Variants in PDE4D observed in about 807,000 individuals in gnomAD.
PDE4D encodes phosphodiesterase 4D.
A neutral mutation model predicts 87.4 loss-of-function variants in PDE4D; 24 were observed. The ratio of observed to expected loss-of-function variants is 0.27; its 90% CI spans 0.20 to 0.39. PDE4D has a LOEUF of 0.39. Among genes scored for constraint, PDE4D ranks in the 10% least tolerant of loss-of-function variants. The pLI, the probability that PDE4D is intolerant of heterozygous loss-of-function variation, is 1.00. For missense variants in PDE4D, 714 were observed against 1,041.0 expected, an observed-to-expected ratio of 0.69 and a Z score of 4.32; for synonymous variants, 384 against 383.2, an observed-to-expected ratio of 1.00 and a Z score of -0.02.
chr5:58,974,312 C>CAAAT lies in PDE4D; in HGVS notation c.*348_*351dup, dbSNP rs35684984. ...GCCTTTCTTCTGAAAATATTGCAAA[C>CAAAT]AAATAAAAAGGAATAGAAACCCCAA... On this transcript the variant is annotated 3_prime_UTR_variant, in exon 15 of 15. Coordinates refer to ENST00000340635, the MANE Select transcript of PDE4D (RefSeq NM_001104631.2). 174 of 170,458 alleles carry CAAAT rather than the reference C, an allele frequency of 1.0e-3. 2 individuals carry two copies. Among genetic ancestry groups the CAAAT allele is most frequent in the African/African-American group, 3.8e-3 (162 of 42,254 alleles). The allele number at this position is 170,458 out of a possible 1,614,324, so 10.6% of individuals were successfully genotyped here.
intron 1 of PDE4D, among the ~76,000 whole-genome samples, chr5:59,244,362 C>T (rs1293778440): frequency 6.6e-6 from 1 of 151,828 alleles, no homozygotes; most frequent in African/African-American, 2.4e-5. Context: ...TGTGCCACTG[C>T]ACTCCAGCCT....
At chr5:59,442,354 A>C (rs1428058033) in intron 1 of PDE4D, among the ~76,000 whole-genome samples, 1 of 152,138 alleles carries the variant, frequency 6.6e-6, no homozygotes, top group Admixed American at 6.5e-5. Context: ...CCAAGTTTTC[A>C]TAATAGATAA....
At chr5:60,079,534 T>C (rs1035963094) in intron 2 of PDE4D, among the ~76,000 whole-genome samples, 1 of 152,222 alleles carries the variant, frequency 6.6e-6, no homozygotes. Flanking sequence ...CTTTAATCCA[T>C]CTTGAGTTAA....
chr5:60,174,598 GA>G (rs1283586579), intron 2 of PDE4D, among the ~76,000 whole-genome samples: 21 of 152,184 alleles, frequency 1.4e-4, no homozygotes, highest in African/African-American at 5.1e-4. Context: ...TTACTTTGGG[GA>G]CATCAGACAG....
intron 3 of PDE4D, among the ~76,000 whole-genome samples, chr5:59,958,999 G>T (rs550608891): frequency 5.9e-5 from 9 of 152,072 alleles, no homozygotes; most frequent in African/African-American, 1.9e-4. Context: ...AAAGTTTCAG[G>T]ATACAAAATG....
intron 1 of PDE4D, among the ~76,000 whole-genome samples, chr5:60,394,877 C>A (rs746018762): frequency 6.6e-6 from 1 of 152,214 alleles, no homozygotes; most frequent in East Asian, 1.9e-4. Flanking sequence ...GGGTTTTCCA[C>A]ATCTTGCTCC....
intron 1 of PDE4D, among the ~76,000 whole-genome samples, chr5:59,443,792 A>G (rs1797975433): frequency 6.6e-6 from 1 of 152,248 alleles, no homozygotes; most frequent in Non-Finnish European, 1.5e-5. Context: ...CATACAGTCT[A>G]AGAGATAACC....
At chr5:59,070,342 C>T (rs1037503597) in intron 5 of PDE4D, among the ~76,000 whole-genome samples, 1 of 152,104 alleles carries the variant, frequency 6.6e-6, no homozygotes, top group Non-Finnish European at 1.5e-5. Flanking sequence ...TGCAGTGCAT[C>T]CCCCACCCAC....
intron 1 of PDE4D, among the ~76,000 whole-genome samples, chr5:60,417,846 C>T (rs766290055): frequency 2.0e-5 from 3 of 151,900 alleles, no homozygotes; most frequent in African/African-American, 4.8e-5. Flanking sequence ...GAGAAATGTC[C>T]TTGTCTATAA....
chr5:59,606,508 T>TTAAGTTAC (rs1015326428), intron 1 of PDE4D, among the ~76,000 whole-genome samples: 3 of 151,880 alleles, frequency 2.0e-5, no homozygotes, highest in Non-Finnish European at 2.9e-5. Context: ...CCTGGAGAGG[T>TTAAGTTAC]TAAGTTACTT....
chr5:60,309,977 T>G (rs1221411837), intron 1 of PDE4D, among the ~76,000 whole-genome samples: 4 of 152,222 alleles, frequency 2.6e-5, no homozygotes, highest in Non-Finnish European at 4.4e-5. Context: ...TAACATCATT[T>G]GAGTGCACTT....
rs886791053 is a variant in PDE4D at position 60,513,261 on chromosome 5, G to A, written n.70+8790C>T. 3.3e-5 allele frequency among the ~76,000 whole-genome samples: 5 copies of A among 151,996 alleles called. No homozygotes were observed. The South Asian group carries it at 6.2e-4, about 19-fold the overall frequency. ...AAGGTGAAAAGAATAGAAAGAGGTC[G>A]CTATGCAGGCACTACCCCAGAATAA... is the stretch of plus-strand genomic sequence containing the variant. On this transcript the variant is annotated intron_variant and non_coding_transcript_variant, in intron 1 of 2. Coordinates refer to the PDE4D transcript ENST00000506510.
At chr5:60,169,256 A>C (rs1250232466) in intron 2 of PDE4D, among the ~76,000 whole-genome samples, 1 of 152,174 alleles carries the variant, frequency 6.6e-6, no homozygotes, top group Non-Finnish European at 1.5e-5. Flanking sequence ...ATAATCTTGC[A>C]GTAGAAAAGC....
chr5:59,033,497 A>G (rs1395355266), intron 6 of PDE4D, among the ~76,000 whole-genome samples: 1 of 152,200 alleles, frequency 6.6e-6, no homozygotes, highest in Non-Finnish European at 1.5e-5. Context: ...CCTGCTGAAA[A>G]AGAGAAAACC....
chr5:59,566,215 G>A (rs1416738672), intron 1 of PDE4D, among the ~76,000 whole-genome samples: 3 of 152,150 alleles, frequency 2.0e-5, no homozygotes, highest in African/African-American at 4.8e-5. Context: ...TCTTGGAAAT[G>A]TTGTGATGAT....
At chr5:60,050,222 C>A (rs1032274649) in intron 2 of PDE4D, among the ~76,000 whole-genome samples, 2 of 152,182 alleles carry the variant, frequency 1.3e-5, no homozygotes, top group African/African-American at 4.8e-5. Flanking sequence ...CCTGCTTCGG[C>A]TCGCGCATGG....
intron 5 of PDE4D, among the ~76,000 whole-genome samples, chr5:59,100,987 A>C (rs1770641212): frequency 6.6e-6 from 1 of 152,180 alleles, no homozygotes; most frequent in Admixed American, 6.5e-5. Flanking sequence ...TGCCACTGCC[A>C]TGTGGTATCA....
chr5:59,014,009 C>T (rs1277729733), intron 6 of PDE4D, among the ~76,000 whole-genome samples: 11 of 152,120 alleles, frequency 7.2e-5, no homozygotes, highest in African/African-American at 2.7e-4. Flanking sequence ...AATCAATAAA[C>T]GTAATCCATC....
At chr5:59,309,412 C>A (rs1263102988) in intron 1 of PDE4D, among the ~76,000 whole-genome samples, 2 of 152,220 alleles carry the variant, frequency 1.3e-5, no homozygotes, top group Admixed American at 1.3e-4. Context: ...TGCTAGGGGA[C>A]TCAGAGAGCT....
Sources: allele counts gnomAD v4.1 joint callset (sites outside exome capture counted in the v4.1 genomes callset), GRCh38; gene constraint gnomAD v4.1.1; transcripts MANE v1.5; gene names NCBI Gene and HGNC (gene_info 2026-07-23, HGNC 2026-07-21).